The following MROH9 variants were observed in gnomAD, a reference collection of about 807,000 sequenced individuals.
MROH9 encodes maestro heat-like repeat-containing protein family member 9.
In MROH9, 92 loss-of-function variants were observed where a neutral mutation model predicts 98.2. The ratio of observed to expected loss-of-function variants is 0.94; its 90% CI spans 0.79 to 1.11. The LOEUF (loss-of-function observed/expected upper bound fraction) is 1.11, where lower values mean the gene tolerates loss of function less well. MROH9 is among the 50% of genes most tolerant of loss of function. The pLI, the probability that MROH9 is intolerant of heterozygous loss-of-function variation, is 0.00. For missense variants in MROH9, 1,057 were observed against 1,014.8 expected, an observed-to-expected ratio of 1.04 and a Z score of -0.57; for synonymous variants, 397 against 368.9, an observed-to-expected ratio of 1.08 and a Z score of -0.87.
intron 6 of MROH9, among the ~76,000 whole-genome samples, chr1:170,964,652 C>A (rs930243852): frequency 6.6e-6 from 1 of 152,006 alleles, no homozygotes; most frequent in Non-Finnish European, 1.5e-5. Context: ...TTCTAACCAA[C>A]CTGCCTCCGG....
At chr1:170,988,004 T>A (rs982804225) in intron 10 of MROH9, among the ~76,000 whole-genome samples, 3 of 152,216 alleles carry the variant, frequency 2.0e-5, no homozygotes, top group African/African-American at 7.2e-5. Flanking sequence ...ACACCACATG[T>A]GAATGGGACC....
intron 3 of MROH9, among the ~76,000 whole-genome samples, chr1:170,953,895 A>G (rs72710528): frequency 1.3e-3 from 194 of 149,852 alleles, no homozygotes; most frequent in African/African-American, 2.3e-3. Context: ...AAGAAAGAAA[A>G]AAAGAGAGAG....
intron 7 of MROH9, among the ~76,000 whole-genome samples, chr1:170,966,849 C>A (rs1028031987): frequency 6.6e-6 from 1 of 152,060 alleles, no homozygotes; most frequent in African/African-American, 2.4e-5. Context: ...GCAAGTGAGG[C>A]TTGAAATTAA....
intron 15 of MROH9, among the ~76,000 whole-genome samples, chr1:171,010,002 G>A (rs1453457232): frequency 6.6e-6 from 1 of 152,122 alleles, no homozygotes; most frequent in East Asian, 1.9e-4. Context: ...AGAATGTGCA[G>A]TTTTGTTACA....
At chr1:171,058,819 C>T (rs868018780) in intron 20 of MROH9, among the ~76,000 whole-genome samples, 2 of 152,198 alleles carry the variant, frequency 1.3e-5, no homozygotes, top group African/African-American at 4.8e-5. Context: ...TGGACCCTTT[C>T]CTTACACCTT....
chr1:171,061,020 G>T (rs1437953621), intron 20 of MROH9, among the ~76,000 whole-genome samples: 1 of 152,082 alleles, frequency 6.6e-6, no homozygotes. Context: ...ACGTCTACAA[G>T]TAACTAAGAA....
Position 170,992,298 on chromosome 1 carries a change from C to T in MROH9, c.1163C>T (p.Ser388Phe). Residue 388 changes from serine (S) to phenylalanine (F), a missense_variant, in exon 12 of 22, where the codon TCT (serine) becomes TTT (phenylalanine). Coordinates refer to ENST00000367759, the MANE Select transcript of MROH9 (RefSeq NM_001163629.2). ...ACCGTAACGGAAGGGAAACGTTTCTCTCTTGATATTACCAACTTGATGCCT... is the reference window on the plus strand; with the variant it reads ...ACCGTAACGGAAGGGAAACGTTTCTTTCTTGATATTACCAACTTGATGCCT... ...EDTVTEGKRFSLDITNLMPLA... is the reference protein window; with the variant it reads ...EDTVTEGKRFFLDITNLMPLA... The T allele has an allele frequency of 6.2e-7, 1 of 1,613,456 alleles. No individual in the cohort carries two copies. Among genetic ancestry groups the T allele is most frequent in the Non-Finnish European group, 8.5e-7 (1 of 1,179,614 alleles).
chr1:170,986,819 A>G, intron 10 of MROH9, 109 bp downstream of exon 10: 1 of 1,209,224 alleles, frequency 8.3e-7, no homozygotes, highest in Middle Eastern at 2.0e-4. Context: ...GTCATTGTTC[A>G]TTATATGACT....
At chr1:171,026,652 G>C (rs929791521) in intron 20 of MROH9, among the ~76,000 whole-genome samples, 6 of 151,982 alleles carry the variant, frequency 3.9e-5, no homozygotes, top group Admixed American at 6.6e-5. Context: ...ATAAACCTCT[G>C]TATATAACTA....
intron 3 of MROH9, among the ~76,000 whole-genome samples, chr1:170,951,531 T>C (rs546741646): frequency 2.0e-5 from 3 of 152,216 alleles, no homozygotes; most frequent in Middle Eastern, 6.8e-3. Context: ...AAATGGCTCA[T>C]TGGAAACAAA....
intron 15 of MROH9, among the ~76,000 whole-genome samples, chr1:171,007,281 C>T (rs1444175325): frequency 1.1e-4 from 16 of 152,142 alleles, no homozygotes; most frequent in East Asian, 1.9e-4. Context: ...GGTGAACTGG[C>T]CTAGCTCCAG....
At chr1:171,012,746 G>A (rs557097794) in intron 15 of MROH9, among the ~76,000 whole-genome samples, 128 of 152,026 alleles carry the variant, frequency 8.4e-4, no homozygotes, top group South Asian at 5.0e-3. Flanking sequence ...ATCATGATCC[G>A]CCCGCCTTGG....
chr1:170,971,647 C>T, intron 7 of MROH9, 101 bp from the exon 8 acceptor site: 1 of 1,342,638 alleles, frequency 7.4e-7, no homozygotes, highest in South Asian at 1.4e-5. Flanking sequence ...TGAAGCTTAT[C>T]TTAGAATCCT....
At chr1:170,979,430 C>T (rs1389956164) in intron 8 of MROH9, among the ~76,000 whole-genome samples, 1 of 152,074 alleles carries the variant, frequency 6.6e-6, no homozygotes, top group African/African-American at 2.4e-5. Flanking sequence ...AAGGAGTGAG[C>T]AAAAACTTTT....
chr1:170,951,917 C>T (rs917587432), intron 3 of MROH9, among the ~76,000 whole-genome samples: 2 of 151,946 alleles, frequency 1.3e-5, no homozygotes, highest in South Asian at 2.1e-4. Context: ...AGCCATGGGA[C>T]GGTAATCAAC....
chr1:171,004,088 C>T (rs1423005145), intron 15 of MROH9, among the ~76,000 whole-genome samples: 3 of 152,104 alleles, frequency 2.0e-5, no homozygotes, highest in Non-Finnish European at 4.4e-5. Context: ...TCACTCCCAC[C>T]ATGCCCCCTG....
intron 1 of MROH9, among the ~76,000 whole-genome samples, chr1:170,936,353 G>A (rs1375927092): frequency 1.3e-5 from 2 of 152,096 alleles, no homozygotes; most frequent in South Asian, 2.1e-4. Flanking sequence ...GAGCACCGAG[G>A]GCAGCAGATT....
chr1:170,945,516 G>A lies in MROH9; in HGVS notation c.-37-4G>A, dbSNP rs1408328619. 1 of 1,607,770 alleles carries A rather than the reference G, an allele frequency of 6.2e-7. No homozygotes were observed. Among genetic ancestry groups the A allele is most frequent in the Non-Finnish European group, 8.5e-7 (1 of 1,175,570 alleles). ...TATGTACTAATACGTGATATTTTTT[G>A]CAGCATTACTAGTAGAAGACTTTAA... is the stretch of plus-strand genomic sequence containing the variant. On this transcript the variant is annotated splice_region_variant and splice_polypyrimidine_tract_variant and intron_variant, in intron 1 of 21. Transcript: ENST00000367759.
In MROH9 at chr1:171,044,972, C is replaced by CTTTTTTTTTTTTTT. The variant is rs754332732; in HGVS notation, c.2282-17126_2282-17113dup. On this transcript the variant is annotated intron_variant, in intron 20 of 21. Transcript: ENST00000367759. ...CAATTCCATTTATTTCTGCTCTGAT[C>CTTTTTTTTTTTTTT]TTTTTTTTTTTTTTTTTTTTTTTTT... 2.6e-3 allele frequency among the ~76,000 whole-genome samples: 119 copies of CTTTTTTTTTTTTTT among 45,712 alleles called. 29 individuals carry two copies. The highest frequency in any genetic ancestry group is 3.6e-3 in the Non-Finnish European group (81 of 22,272). The allele number at this position is 45,712 out of a possible 152,430, so 30.0% of individuals were successfully genotyped here.
Sources: allele counts gnomAD v4.1 joint callset (sites outside exome capture counted in the v4.1 genomes callset), GRCh38; gene constraint gnomAD v4.1.1; transcripts MANE v1.5; gene names NCBI Gene and HGNC (gene_info 2026-07-23, HGNC 2026-07-21).